The following XKR9 variants were observed in gnomAD, a reference collection of about 807,000 sequenced individuals.
XKR9 encodes XK related 9, also known as XK-related protein 9.
Under a neutral mutation model 32.0 loss-of-function variants are expected in XKR9, and 32 were observed. That is an observed-to-expected ratio of 1.00 (90% CI 0.76 to 1.34). The LOEUF (loss-of-function observed/expected upper bound fraction) is 1.34. Among genes scored for constraint, XKR9 ranks in the 40% most tolerant of loss-of-function variants. The probability of loss-of-function intolerance (pLI) is 0.00; values close to 1 mark genes in which losing one functional copy is unlikely to be tolerated. For missense variants in XKR9, 546 were observed against 429.7 expected (o/e 1.27, Z -2.39); for synonymous variants, 168 against 143.4 (o/e 1.17, Z -1.22).
chr8:70,797,369 C>T, the XKR9 span, among the ~76,000 whole-genome samples: 1 of 152,012 alleles, frequency 6.6e-6, no homozygotes, highest in African/African-American at 2.4e-5. Context: ...TTAGGTGTGG[C>T]CTTTCTTCTA....
At chr8:70,886,898 C>T in the XKR9 span, among the ~76,000 whole-genome samples, 2 of 152,032 alleles carry the variant, frequency 1.3e-5, no homozygotes, top group South Asian at 2.1e-4. Context: ...AATTAGATCC[C>T]GTTTGTCAAT....
the XKR9 span, among the ~76,000 whole-genome samples, chr8:70,948,870 A>C: frequency 6.6e-6 from 1 of 152,228 alleles, no homozygotes. Context: ...ATTTTACAAG[A>C]ATTCTTCAGG....
chr8:70,884,617 T>C, the XKR9 span, among the ~76,000 whole-genome samples: 1 of 152,198 alleles, frequency 6.6e-6, no homozygotes, highest in Non-Finnish European at 1.5e-5. Context: ...TGTCCAGTTG[T>C]TCTAGAACCA....
chr8:70,903,371 T>C, the XKR9 span, among the ~76,000 whole-genome samples: 2 of 152,140 alleles, frequency 1.3e-5, no homozygotes, highest in Non-Finnish European at 2.9e-5. Context: ...CTTGGGAGGG[T>C]GCATGTGTCC....
chr8:70,746,666 C>A (rs1807063504), intron 2 of XKR9, among the ~76,000 whole-genome samples: 1 of 151,852 alleles, frequency 6.6e-6, no homozygotes, highest in African/African-American at 2.4e-5. Context: ...GCTGTTGCTG[C>A]ACTTTAAAAA....
intron 4 of XKR9, among the ~76,000 whole-genome samples, chr8:70,715,506 T>G (rs1189476928): frequency 2.0e-5 from 3 of 152,140 alleles, no homozygotes; most frequent in African/African-American, 7.2e-5. Context: ...ATATTAATCT[T>G]TGAGGTAACA....
chr8:70,881,206 T>C, the XKR9 span, among the ~76,000 whole-genome samples: 2 of 151,162 alleles, frequency 1.3e-5, no homozygotes, highest in African/African-American at 4.8e-5. Context: ...TACATAGGCA[T>C]GGGCAAGGAC....
the XKR9 span, among the ~76,000 whole-genome samples, chr8:71,007,140 G>T: frequency 3.9e-5 from 6 of 152,184 alleles, no homozygotes; most frequent in Non-Finnish European, 5.9e-5. Flanking sequence ...TGCCATAGTT[G>T]TATGTGGGAT....
At chr8:70,695,128 CTTTTTTTTT>C (rs149186256) in intron 3 of XKR9, among the ~76,000 whole-genome samples, 3 of 125,270 alleles carry the variant, frequency 2.4e-5, no homozygotes, top group Admixed American at 7.9e-5. Context: ...CCTTGTTTTT[CTTTTTTTTT>C]TTTTTTTTCT....
the XKR9 span, among the ~76,000 whole-genome samples, chr8:70,931,517 C>A: frequency 1.3e-5 from 2 of 152,252 alleles, no homozygotes; most frequent in African/African-American, 4.8e-5. Flanking sequence ...CTATAAAATT[C>A]TTTGATTTTA....
intron 4 of XKR9, among the ~76,000 whole-genome samples, chr8:70,732,229 G>A (rs186923631): frequency 1.3e-5 from 2 of 152,338 alleles, no homozygotes. Flanking sequence ...AAAGAAGGAG[G>A]CATTGGCAAC....
At chr8:71,005,052 C>T in the XKR9 span, among the ~76,000 whole-genome samples, 2 of 98,570 alleles carry the variant, frequency 2.0e-5, no homozygotes, top group Admixed American at 2.0e-4. Context: ...GCTATGTTGC[C>T]CAGGCTGGTC....
At chr8:70,691,494 G>A (rs1420113739) in intron 3 of XKR9, among the ~76,000 whole-genome samples, 2 of 152,030 alleles carry the variant, frequency 1.3e-5, no homozygotes, top group African/African-American at 4.8e-5. Context: ...CCTGTTCCTA[G>A]ATCCAGGATG....
chr8:70,711,950 A>G (rs1805933559), intron 4 of XKR9, among the ~76,000 whole-genome samples: 1 of 151,352 alleles, frequency 6.6e-6, no homozygotes, highest in Non-Finnish European at 1.5e-5. Flanking sequence ...TACCCATGTA[A>G]AAAACCTGCA....
the XKR9 span, among the ~76,000 whole-genome samples, chr8:71,027,782 G>T: frequency 2.1e-4 from 10 of 48,310 alleles, 2 homozygotes; most frequent in Admixed American, 6.4e-4. Flanking sequence ...TTTTTGGCGG[G>T]GGGGGGGGGT....
chr8:70,834,562 T>A, the XKR9 span, among the ~76,000 whole-genome samples: 1 of 152,180 alleles, frequency 6.6e-6, no homozygotes, highest in African/African-American at 2.4e-5. Flanking sequence ...CCTGTTTTTA[T>A]TCAAAAATAT....
the XKR9 span, among the ~76,000 whole-genome samples, chr8:70,853,648 G>A: frequency 6.6e-6 from 1 of 151,858 alleles, no homozygotes; most frequent in South Asian, 2.1e-4. Flanking sequence ...TTAACATTAG[G>A]TATATCTCCT....
the XKR9 span, among the ~76,000 whole-genome samples, chr8:70,960,585 A>G: frequency 6.6e-6 from 1 of 152,142 alleles, no homozygotes; most frequent in Non-Finnish European, 1.5e-5. Flanking sequence ...GTTGTCAAAA[A>G]TACAGTTTAT....
At chr8:70,997,742 T>G in the XKR9 span, among the ~76,000 whole-genome samples, 1 of 152,176 alleles carries the variant, frequency 6.6e-6, no homozygotes, top group Non-Finnish European at 1.5e-5. Flanking sequence ...AAATACCACC[T>G]GTTCCCCCCA....
Sources: allele counts gnomAD v4.1 joint callset (sites outside exome capture counted in the v4.1 genomes callset), GRCh38; gene constraint gnomAD v4.1.1; transcripts MANE v1.5; gene names NCBI Gene and HGNC (gene_info 2026-07-23, HGNC 2026-07-21).